The following CRYZ variants were observed in gnomAD, a reference collection of about 807,000 sequenced individuals.
CRYZ encodes the protein zeta-crystallin.
A neutral mutation model predicts 34.1 loss-of-function variants in CRYZ; 35 were observed. The ratio of observed to expected loss-of-function variants is 1.03; its 90% confidence interval spans 0.78 to 1.36. The LOEUF (loss-of-function observed/expected upper bound fraction) is 1.36. Among genes scored for constraint, CRYZ ranks in the 40% most tolerant of loss-of-function variants. The pLI, the probability that CRYZ is intolerant of heterozygous loss-of-function variation, is 0.00. For missense variants in CRYZ, 403 were observed against 391.8 expected, an observed-to-expected ratio of 1.03 and a Z score of -0.24; for synonymous variants, 137 against 136.5, an observed-to-expected ratio of 1.00 and a Z score of -0.03.
intron 3 of CRYZ, among the ~76,000 whole-genome samples, chr1:74,721,566 G>C (rs1423479716): frequency 6.6e-6 from 1 of 152,188 alleles, no homozygotes; most frequent in Non-Finnish European, 1.5e-5. Context: ...AGGGAAAAGA[G>C]AAAGTGTCTA....
intron 2 of CRYZ, 24 bp from the exon 3 acceptor site, chr1:74,723,294 T>C: frequency 1.2e-6 from 2 of 1,602,840 alleles, no homozygotes; most frequent in East Asian, 4.5e-5. Context: ...GTATTTTAGT[T>C]CACAGAAAGA....
At position 74,706,964 on chromosome 1, in the gene CRYZ, T is replaced by G; in HGVS notation, c.763A>C (p.Asn255His). The G allele has an allele frequency of 6.2e-7, 1 of 1,612,872 alleles. No individual in the cohort carries two copies. The highest frequency in any genetic ancestry group is 8.5e-7 in the Non-Finnish European group (1 of 1,179,398). The change falls in exon 8 of 9, where the codon AAC becomes CAC. Residue 255 changes from asparagine to histidine, a missense_variant. Asn to His is a moderately conservative substitution (Grantham distance 68). Transcript: ENST00000340866. ...VVGSRGTIEI[N>H]PRDTMAKESS... is the part of the protein sequence containing the mutation. ...TCCTTTGCCATGGTGTCTCGTGGGT[T>G]TATTTCAATAGTACCTCTGCTGCCA...
intron 5 of CRYZ, 31 bp from the exon 6 acceptor site, chr1:74,710,278 T>C (rs917762341): frequency 1.2e-6 from 2 of 1,609,580 alleles, no homozygotes; most frequent in African/African-American, 2.7e-5. Flanking sequence ...AAGAGTTATA[T>C]ATTCTCTACA....
At position 74,723,234 on chromosome 1, in the gene CRYZ, CG is replaced by C. The variant is rs1009226883; in HGVS notation, c.147del (p.Val50TrpfsTer27). On this transcript the variant is annotated frameshift_variant, in exon 3 of 9. Coordinates refer to ENST00000340866, the MANE Select transcript of CRYZ (RefSeq NM_001889.4). LOFTEE classifies it high-confidence loss of function. Reference sequence around the variant, plus strand: ...GTACCAGAGCGAATGTATGTCTCCACGGGGTTGACACCACATGCATGGACCT... The same window carrying C: ...GTACCAGAGCGAATGTATGTCTCCACGGGTTGACACCACATGCATGGACCT... ...LIKVHACGVN[P>X]VETYIRSGTY... The C allele has an allele frequency of 3.1e-6, 5 of 1,613,732 alleles. No homozygotes were observed. In the African/African-American group the frequency reaches 6.7e-5, roughly 22 times the overall value.
intron 5 of CRYZ, among the ~76,000 whole-genome samples, chr1:74,713,483 C>G (rs1440611020): frequency 1.3e-5 from 2 of 152,142 alleles, no homozygotes; most frequent in Non-Finnish European, 2.9e-5. Flanking sequence ...CATATTGTCT[C>G]AAGCCCCATA....
At position 74,727,585 on chromosome 1, in the gene CRYZ, G is replaced by C. The variant is rs2881152; in HGVS notation, c.-13-2751C>G. 7.6e-4 allele frequency among the ~76,000 whole-genome samples: 13 copies of C among 17,192 alleles called. No individual in the cohort carries two copies. In the East Asian group the frequency reaches 0.031, roughly 41 times the overall value. 11.3% of individuals were successfully genotyped at this position (17,192 alleles called of 152,430 possible). A position where few individuals can be genotyped will look rare whatever the true frequency, so the allele number is the denominator to read the frequency against. ...AGGTGGAGCTTCCAGTGAGCTGAGA[G>C]ATGCCACTACACTCCAGCCACTGCA... is the stretch of plus-strand genomic sequence containing the variant. On this transcript the variant is annotated intron_variant, in intron 1 of 8. Coordinates refer to ENST00000340866, the MANE Select transcript of CRYZ (RefSeq NM_001889.4).
chr1:74,706,190 A>C lies in CRYZ; in HGVS notation c.*106T>G. The C allele has an allele frequency of 1.0e-6, 1 of 993,368 alleles. No homozygotes were observed. Among genetic ancestry groups the C allele is most frequent in the South Asian group, 2.4e-5 (1 of 41,738 alleles). 61.5% of individuals were successfully genotyped at this position (993,368 alleles called of 1,614,324 possible). A position where few individuals can be genotyped will look rare whatever the true frequency, so the allele number is the denominator to read the frequency against. ...AAGAAAAATCTTATTTTTTCACATA[A>C]GAAGCTCATGGAATCGAATGTTAAT... On this transcript the variant is annotated 3_prime_UTR_variant, in exon 9 of 9. Transcript: ENST00000340866.
intron 1 of CRYZ, among the ~76,000 whole-genome samples, chr1:74,730,612 C>T (rs1046443193): frequency 7.2e-5 from 11 of 152,122 alleles, no homozygotes; most frequent in Non-Finnish European, 1.5e-4. Context: ...AAAATAAAAT[C>T]GCCATCCATT....
chr1:74,715,226 A>G (rs184679340), intron 4 of CRYZ, among the ~76,000 whole-genome samples: 8 of 152,330 alleles, frequency 5.3e-5, no homozygotes, highest in East Asian at 1.9e-4. Context: ...TTCCCATGTC[A>G]TCCCCCTGAA....
In CRYZ at chr1:74,713,478, T is replaced by C. The variant is rs532033540; in HGVS notation, c.480+1101A>G. Among the ~76,000 whole-genome samples the C allele has an allele frequency of 7.0e-4, 106 of 152,334 alleles. No individual in the cohort carries two copies. The Middle Eastern group carries it at 0.01, about 15-fold the overall frequency. ...TTTGGACAAGGTATATCTGTCATAT[T>C]GTCTCAAGCCCCATAAAGACAATCC... On this transcript the variant is annotated intron_variant, in intron 5 of 8. Coordinates refer to ENST00000340866, the MANE Select transcript of CRYZ (RefSeq NM_001889.4).
chr1:74,712,490 T>C (rs1261710639), intron 5 of CRYZ, among the ~76,000 whole-genome samples: 2 of 152,126 alleles, frequency 1.3e-5, no homozygotes, highest in African/African-American at 2.4e-5. Context: ...AAAATAATGA[T>C]AGAAACAGAT....
chr1:74,709,030 C>T (rs1323925660), intron 6 of CRYZ, among the ~76,000 whole-genome samples: 3 of 152,012 alleles, frequency 2.0e-5, no homozygotes, highest in Non-Finnish European at 2.9e-5. Context: ...TCAGTGACCT[C>T]TGGGAAGCAG....
chr1:74,705,761 G>T lies in CRYZ; in HGVS notation c.*535C>A, dbSNP rs1459622560. ...ATGAAGTAAATATTCTAATATTTGG[G>T]AAAATACTGAGAAAACTAATAAATT... On this transcript the variant is annotated 3_prime_UTR_variant, in exon 9 of 9. Coordinates refer to ENST00000340866, the MANE Select transcript of CRYZ (RefSeq NM_001889.4). 6.6e-6 allele frequency: 1 copy of T among 152,094 alleles called. No homozygotes were observed. The highest frequency in any genetic ancestry group is 2.4e-5 in the African/African-American group (1 of 41,440). The allele number at this position is 152,094 out of a possible 1,614,324, so 9.4% of individuals were successfully genotyped here.
intron 1 of CRYZ, among the ~76,000 whole-genome samples, chr1:74,730,027 C>T (rs2100738324): frequency 6.6e-6 from 1 of 152,186 alleles, no homozygotes; most frequent in Non-Finnish European, 1.5e-5. Context: ...TCGATATCTA[C>T]CTACTTCCTA....
In CRYZ at chr1:74,723,096, G is replaced by A. The variant is rs757294341; in HGVS notation, c.264+22C>T. On this transcript the variant is annotated intron_variant, in intron 3 of 8. Transcript: ENST00000340866. ...TTATGAAATAAATTCAGCCAAAATAGAAATAATTAAAAATGCAATACCTTG... is the reference window on the plus strand; with the variant it reads ...TTATGAAATAAATTCAGCCAAAATAAAAATAATTAAAAATGCAATACCTTG... 1.9e-6 allele frequency: 3 copies of A among 1,601,330 alleles called. No homozygotes were observed. In the East Asian group the frequency reaches 6.7e-5, roughly 36 times the overall value.
chr1:74,706,404 C>T lies in CRYZ; in HGVS notation c.882G>A (p.Trp294Ter). The change falls in exon 9 of 9, where the codon TGG (tryptophan) becomes TGA (stop). Residue 294 changes from tryptophan (W) to a stop codon, truncating the protein, a stop_gained. Coordinates refer to ENST00000340866, the MANE Select transcript of CRYZ (RefSeq NM_001889.4). LOFTEE classifies it high-confidence loss of function. ...AALQAGMEIG[W>*]LKPVIGSQYP... Reference sequence around the variant, plus strand: ...ATTGAGAACCTATCACAGGTTTCAACCAGCCAATTTCCATTCCAGCTTGAA... The same window carrying T: ...ATTGAGAACCTATCACAGGTTTCAATCAGCCAATTTCCATTCCAGCTTGAA... 1 of 1,612,300 alleles carries T rather than the reference C, an allele frequency of 6.2e-7. No individual in the cohort carries two copies. The highest frequency in any genetic ancestry group is 8.5e-7 in the Non-Finnish European group (1 of 1,179,264).
chr1:74,711,196 G>C (rs779159853), intron 5 of CRYZ, among the ~76,000 whole-genome samples: 8 of 152,164 alleles, frequency 5.3e-5, no homozygotes, highest in Non-Finnish European at 7.3e-5. Flanking sequence ...CAGAATCTGA[G>C]GGGTGAGGGT....
At chr1:74,710,606 G>C (rs956592632) in intron 5 of CRYZ, among the ~76,000 whole-genome samples, 2 of 152,182 alleles carry the variant, frequency 1.3e-5, no homozygotes, top group Non-Finnish European at 2.9e-5. Context: ...TGCAGAACTT[G>C]AGTTTTTAAC....
chr1:74,709,975 T>C (rs72675392), intron 6 of CRYZ, 123 bp downstream of exon 6: 7,492 of 728,484 alleles, frequency 0.01, 77 homozygotes, highest in Non-Finnish European at 0.014. Context: ...GCATAAAAAT[T>C]CATCGCACTG....
Sources: gnomAD v4.1 joint callset for allele counts (sites outside exome capture counted in the v4.1 genomes callset) on GRCh38, gnomAD v4.1.1 for gene constraint, MANE v1.5 for transcripts, NCBI Gene and HGNC (gene_info 2026-07-23, HGNC 2026-07-21) for gene names.